The following PCDH15 variants were observed in gnomAD, a reference collection of about 807,000 sequenced individuals.
PCDH15 encodes protocadherin-15.
PCDH15 carries 129 observed loss-of-function variants against 178.5 expected under a neutral mutation model. The ratio of observed to expected loss-of-function variants is 0.72; its 90% confidence interval spans 0.63 to 0.84. The LOEUF is 0.84. PCDH15 is among the 40% of genes least tolerant of loss of function. The probability of loss-of-function intolerance (pLI) is 0.00; values close to 1 mark genes in which losing one functional copy is unlikely to be tolerated. For synonymous variants in PCDH15, 800 were observed against 732.0 expected, an observed-to-expected ratio of 1.09 and a Z score of -1.50; for missense variants, 2,230 against 2,099.9, an observed-to-expected ratio of 1.06 and a Z score of -1.21.
intron 2 of PCDH15, among the ~76,000 whole-genome samples, chr10:55,395,400 T>C (rs2132018638): frequency 6.6e-6 from 1 of 152,264 alleles, no homozygotes; most frequent in Non-Finnish European, 1.5e-5. Context: ...TTTGATTTCC[T>C]CCTTTATAGA....
chr10:54,837,945 C>T (rs1183954916), intron 3 of PCDH15, among the ~76,000 whole-genome samples: 2 of 152,072 alleles, frequency 1.3e-5, no homozygotes, highest in South Asian at 4.1e-4. Context: ...GGGAAACCGT[C>T]GTGTTAAACT....
chr10:54,368,508 T>C (rs1947140922), intron 5 of PCDH15, among the ~76,000 whole-genome samples: 1 of 151,856 alleles, frequency 6.6e-6, no homozygotes, highest in Non-Finnish European at 1.5e-5. Context: ...AAAATAAAAG[T>C]GGTTCTTCAC....
intron 2 of PCDH15, among the ~76,000 whole-genome samples, chr10:54,554,946 T>G (rs1356694453): frequency 6.6e-6 from 1 of 152,098 alleles, no homozygotes; most frequent in Admixed American, 6.6e-5. Context: ...GGAGGAAGCT[T>G]CCTGAATACA....
intron 6 of PCDH15, among the ~76,000 whole-genome samples, chr10:54,340,702 T>C (rs1160310105): frequency 1.3e-5 from 2 of 152,164 alleles, no homozygotes; most frequent in African/African-American, 4.8e-5. Context: ...CCAAGTGCCT[T>C]GTTCATCCCT....
At chr10:54,170,959 C>T (rs1590938320) in intron 13 of PCDH15, among the ~76,000 whole-genome samples, 1 of 152,070 alleles carries the variant, frequency 6.6e-6, no homozygotes, top group Non-Finnish European at 1.5e-5. Context: ...CGAGGATTTG[C>T]CCCACCCAGG....
intron 15 of PCDH15, among the ~76,000 whole-genome samples, chr10:54,114,338 G>A (rs1193785041): frequency 6.6e-6 from 1 of 152,022 alleles, no homozygotes; most frequent in East Asian, 1.9e-4. Context: ...CATTACAGAG[G>A]CTGCTTGAAA....
At chr10:54,384,377 T>TA in intron 3 of PCDH15, among the ~76,000 whole-genome samples, 1 of 152,130 alleles carries the variant, frequency 6.6e-6, no homozygotes, top group Non-Finnish European at 1.5e-5. Flanking sequence ...TTCCTTTTTT[T>TA]AGTGAAAATG....
At chr10:55,138,242 A>G (rs1296916580) in intron 2 of PCDH15, among the ~76,000 whole-genome samples, 1 of 152,140 alleles carries the variant, frequency 6.6e-6, no homozygotes, top group Admixed American at 6.6e-5. Context: ...AAATACTTAT[A>G]ATAAAAAATG....
chr10:55,091,589 A>G (rs1213618359), intron 2 of PCDH15, among the ~76,000 whole-genome samples: 1 of 151,940 alleles, frequency 6.6e-6, no homozygotes, highest in Non-Finnish European at 1.5e-5. Flanking sequence ...AATGACACAT[A>G]TAAGTGTTGA....
intron 3 of PCDH15, among the ~76,000 whole-genome samples, chr10:54,420,659 A>G (rs936868853): frequency 1.6e-4 from 24 of 152,072 alleles, no homozygotes; most frequent in African/African-American, 4.8e-4. Flanking sequence ...AACATAAAGT[A>G]GCAGAAATGA....
chr10:54,458,593 T>C (rs2076978762), intron 3 of PCDH15, among the ~76,000 whole-genome samples: 1 of 152,160 alleles, frequency 6.6e-6, no homozygotes, highest in African/African-American at 2.4e-5. Context: ...GAATCTTTCC[T>C]ATGGCTAATA....
At chr10:54,894,905 T>A (rs1453103618) in intron 3 of PCDH15, among the ~76,000 whole-genome samples, 1 of 152,120 alleles carries the variant, frequency 6.6e-6, no homozygotes, top group African/African-American at 2.4e-5. Flanking sequence ...AACCAACAGA[T>A]TTCCTTTTCA....
chr10:55,067,985 A>G (rs1188945790), intron 2 of PCDH15, among the ~76,000 whole-genome samples: 1 of 151,908 alleles, frequency 6.6e-6, no homozygotes, highest in Non-Finnish European at 1.5e-5. Context: ...TATTCTGAAT[A>G]TTGTTCTCCT....
chr10:54,801,721 AC>A (rs1384558225), upstream of PCDH15, among the ~76,000 whole-genome samples: 2 of 152,228 alleles, frequency 1.3e-5, no homozygotes, highest in East Asian at 1.9e-4. Flanking sequence ...AAACAAAAAA[AC>A]AATTTCACAA....
chr10:55,069,035 T>G (rs1434357058), intron 2 of PCDH15, among the ~76,000 whole-genome samples: 2 of 150,808 alleles, frequency 1.3e-5, no homozygotes, highest in Non-Finnish European at 2.9e-5. Flanking sequence ...GTAGCTGGGA[T>G]TACAGGTATG....
chr10:53,974,227 C>G (rs1289462344), intron 21 of PCDH15, among the ~76,000 whole-genome samples: 4 of 152,126 alleles, frequency 2.6e-5, no homozygotes, highest in African/African-American at 7.2e-5. Flanking sequence ...GTTGCCTAGG[C>G]TGCTCTCAAA....
chr10:54,443,494 CA>C (rs200734623), intron 3 of PCDH15, among the ~76,000 whole-genome samples: 4,267 of 149,182 alleles, frequency 0.029, 210 homozygotes, highest in African/African-American at 0.097. Flanking sequence ...ATCAACAACA[CA>C]AAAAAAAATC....
intron 1 of PCDH15, among the ~76,000 whole-genome samples, chr10:54,714,517 A>G (rs2095457581): frequency 6.6e-6 from 1 of 152,170 alleles, no homozygotes; most frequent in African/African-American, 2.4e-5. Flanking sequence ...AATTAATAGC[A>G]GTATAATCTA....
chr10:54,539,063 G>A (rs1272215625), intron 2 of PCDH15, among the ~76,000 whole-genome samples: 1 of 152,176 alleles, frequency 6.6e-6, no homozygotes, highest in Non-Finnish European at 1.5e-5. Context: ...AGTATGAAAT[G>A]CTTTTTCCAT....
Sources: gnomAD v4.1 joint callset for allele counts (sites outside exome capture counted in the v4.1 genomes callset) on GRCh38, gnomAD v4.1.1 for gene constraint, MANE v1.5 for transcripts, NCBI Gene and HGNC (gene_info 2026-07-23, HGNC 2026-07-21) for gene names.